The following CADM2 variants were observed in gnomAD, a reference collection of about 807,000 sequenced individuals.
CADM2 encodes the protein immunoglobulin superfamily member 4D.
CADM2 carries 12 observed loss-of-function variants against 49.8 expected under a neutral mutation model. The ratio of observed to expected loss-of-function variants is 0.24; its 90% CI spans 0.15 to 0.39. The LOEUF (loss-of-function observed/expected upper bound fraction) is 0.39. Ranked by LOEUF, CADM2 falls within the 10% of genes least tolerant of loss-of-function variation. The probability of loss-of-function intolerance (pLI) is 1.00; values close to 1 mark genes in which losing one functional copy is unlikely to be tolerated. For missense variants in CADM2, 378 were observed against 492.3 expected, an observed-to-expected ratio of 0.77 and a Z score of 2.20; for synonymous variants, 214 against 175.4, an observed-to-expected ratio of 1.22 and a Z score of -1.74.
At position 85,893,920 on chromosome 3, in the gene CADM2, G is replaced by A. The variant is rs374788231; in HGVS notation, c.529+7593G>A. 4.5e-4 allele frequency among the ~76,000 whole-genome samples: 69 copies of A among 152,306 alleles called. No individual in the cohort carries two copies. In the East Asian group the frequency reaches 7.0e-3, roughly 15 times the overall value. ...GGTGGGACTGTAAACGAATTCAACC[G>A]TTGTGGAAGTCAGTGTGGCGATTCC... On this transcript the variant is annotated intron_variant, in intron 5 of 9. Transcript: ENST00000383699.
intron 1 of CADM2, among the ~76,000 whole-genome samples, chr3:85,206,527 T>A (rs2041641676): frequency 6.6e-6 from 1 of 152,034 alleles, no homozygotes; most frequent in Non-Finnish European, 1.5e-5. Flanking sequence ...CAGGATGGTC[T>A]TGATCACCTG....
intron 1 of CADM2, among the ~76,000 whole-genome samples, chr3:85,490,284 T>C (rs2039617435): frequency 6.6e-6 from 1 of 152,070 alleles, no homozygotes. Flanking sequence ...GAGCTCAAAT[T>C]CTCTAACTGT....
intron 1 of CADM2, among the ~76,000 whole-genome samples, chr3:85,335,072 A>G (rs2045041261): frequency 6.6e-6 from 1 of 151,520 alleles, no homozygotes; most frequent in Non-Finnish European, 1.5e-5. Context: ...GATACTAAGT[A>G]AATAAATAAA....
intron 1 of CADM2, among the ~76,000 whole-genome samples, chr3:85,405,042 A>G (rs1325735631): frequency 6.6e-6 from 1 of 152,186 alleles, no homozygotes; most frequent in African/African-American, 2.4e-5. Flanking sequence ...TTAAGAAGTC[A>G]CTAACTGTTG....
intron 1 of CADM2, among the ~76,000 whole-genome samples, chr3:85,370,855 A>G (rs1450703679): frequency 6.6e-5 from 10 of 152,136 alleles, no homozygotes; most frequent in African/African-American, 2.2e-4. Context: ...GTTAGAAAGA[A>G]GTGATGCTGA....
At chr3:85,516,120 C>T (rs17455956) in intron 1 of CADM2, among the ~76,000 whole-genome samples, 31,658 of 152,020 alleles carry the variant, frequency 0.21, 3,901 homozygotes, top group East Asian at 0.3. Context: ...ATGCCACAGT[C>T]CTCAAATGTT....
At chr3:85,864,515 T>C (rs2075652995) in intron 3 of CADM2, among the ~76,000 whole-genome samples, 1 of 152,200 alleles carries the variant, frequency 6.6e-6, no homozygotes, top group Non-Finnish European at 1.5e-5. Context: ...CTATATGTAC[T>C]GGAGGCTGTC....
chr3:85,014,219 C>CAGTGTAATAATGTATATT (rs1559617493), intron 1 of CADM2, among the ~76,000 whole-genome samples: 7 of 140,078 alleles, frequency 5.0e-5, no homozygotes, highest in African/African-American at 1.9e-4. Flanking sequence ...TAATGTATAT[C>CAGTGTAATAATGTATATT]ATATATACGC....
intron 1 of CADM2, among the ~76,000 whole-genome samples, chr3:85,141,668 A>G (rs1459286223): frequency 2.0e-5 from 3 of 152,304 alleles, no homozygotes; most frequent in Middle Eastern, 6.8e-3. Flanking sequence ...GGCATTTTTT[A>G]TGAATATAGA....
chr3:84,979,514 G>T (rs1161131693), intron 1 of CADM2, among the ~76,000 whole-genome samples: 1 of 152,050 alleles, frequency 6.6e-6, no homozygotes, highest in Non-Finnish European at 1.5e-5. Flanking sequence ...GTAACTAGAA[G>T]AGGTATCTTT....
At chr3:85,413,163 ATAAT>A (rs371416963) in intron 1 of CADM2, among the ~76,000 whole-genome samples, 67 of 99,860 alleles carry the variant, frequency 6.7e-4, no homozygotes, top group East Asian at 9.6e-4. Context: ...AAAAAAAAAA[ATAAT>A]AATAATAATA....
chr3:85,012,917 G>GT (rs2034063959), intron 1 of CADM2, among the ~76,000 whole-genome samples: 1 of 151,554 alleles, frequency 6.6e-6, no homozygotes, highest in Non-Finnish European at 1.5e-5. Flanking sequence ...CATTTGCTCT[G>GT]TTTTCCATTG....
rs10433527 is a variant in CADM2, at chr3:85,815,524, G to C, written c.238+13328G>C. Among the ~76,000 whole-genome samples the C allele has an allele frequency of 5.4e-4, 82 of 152,094 alleles. 2 individuals carry two copies. In the East Asian group the frequency reaches 0.015, roughly 28 times the overall value. On this transcript the variant is annotated intron_variant, in intron 3 of 9. Transcript: ENST00000383699. ...TGATTATCTCAATAGATGCAAAAAA[G>C]GTCTTTGACAAAATTCAACAGCTCT...
intron 1 of CADM2, among the ~76,000 whole-genome samples, chr3:85,345,801 G>A (rs2030577688): frequency 6.6e-6 from 1 of 152,146 alleles, no homozygotes; most frequent in South Asian, 2.1e-4. Flanking sequence ...TCAATATCCT[G>A]ATTTTGATGG....
At chr3:85,615,215 A>G (rs1221680426) in intron 1 of CADM2, among the ~76,000 whole-genome samples, 1 of 151,892 alleles carries the variant, frequency 6.6e-6, no homozygotes. Context: ...AAAGAGAGAG[A>G]GAGAGAGAGA....
intron 1 of CADM2, among the ~76,000 whole-genome samples, chr3:85,036,134 C>T (rs143504319): frequency 6.6e-6 from 1 of 152,096 alleles, no homozygotes; most frequent in African/African-American, 2.4e-5. Context: ...TATTTCTTAC[C>T]TATGCTTGGT....
At chr3:85,998,646 T>C (rs976681834) in intron 8 of CADM2, among the ~76,000 whole-genome samples, 13 of 152,120 alleles carry the variant, frequency 8.5e-5, no homozygotes, top group Admixed American at 1.3e-4. Flanking sequence ...CTCAAAAGTT[T>C]AGAGCCTATT....
chr3:85,368,670 TA>T (rs1201032728), intron 1 of CADM2, among the ~76,000 whole-genome samples: 1 of 152,046 alleles, frequency 6.6e-6, no homozygotes, highest in Non-Finnish European at 1.5e-5. Context: ...ATGTAAGTTT[TA>T]AAAAATTACT....
Position 85,690,095 on chromosome 3 carries a change from T to C in CADM2, c.62-36427T>C, listed in dbSNP as rs75780410. Among the ~76,000 whole-genome samples, 721 of 152,284 alleles carry C rather than the reference T, an allele frequency of 4.7e-3. 6 individuals are homozygous for C. Among genetic ancestry groups the C allele is most frequent in the African/African-American group, 0.017 (699 of 41,564 alleles). ...TTAGAGGTCAGTTGTTTCATAATTTTTTTTATCATGGGAGAGGAGATAGTA... is the reference window on the plus strand; with the variant it reads ...TTAGAGGTCAGTTGTTTCATAATTTCTTTTATCATGGGAGAGGAGATAGTA... On this transcript the variant is annotated intron_variant, in intron 1 of 9. Coordinates refer to ENST00000383699, the MANE Select transcript of CADM2 (RefSeq NM_001167675.2).
Sources: gnomAD v4.1 joint callset for allele counts (sites outside exome capture counted in the v4.1 genomes callset) on GRCh38, gnomAD v4.1.1 for gene constraint, MANE v1.5 for transcripts, NCBI Gene and HGNC (gene_info 2026-07-23, HGNC 2026-07-21) for gene names.